SORCS3: variants seen among roughly 807,000 people sequenced by gnomAD.
SORCS3 encodes sortilin related VPS10 domain containing receptor 3.
Under a neutral mutation model 146.3 loss-of-function variants are expected in SORCS3, and 57 were observed. The ratio of observed to expected loss-of-function variants is 0.39; its 90% confidence interval spans 0.31 to 0.49. SORCS3 has a LOEUF of 0.49. Ranked by LOEUF, SORCS3 falls within the 20% of genes least tolerant of loss-of-function variation. The probability of loss-of-function intolerance (pLI) is 0.92; values close to 1 mark genes in which losing one functional copy is unlikely to be tolerated. For missense variants in SORCS3, 1,341 were observed against 1,575.5 expected (o/e 0.85, Z 2.52); for synonymous variants, 653 against 618.5 (o/e 1.06, Z -0.83).
intron 7 of SORCS3, among the ~76,000 whole-genome samples, chr10:105,113,222 C>G (rs1589639081): frequency 1.3e-5 from 2 of 152,244 alleles, no homozygotes; most frequent in Non-Finnish European, 1.5e-5. Flanking sequence ...GAGGCTTTTC[C>G]ATGTGTGGAC....
intron 2 of SORCS3, among the ~76,000 whole-genome samples, chr10:104,883,957 C>T (rs1399302847): frequency 1.5e-4 from 22 of 146,238 alleles, no homozygotes; most frequent in Admixed American, 1.5e-3. Flanking sequence ...TACCTACATC[C>T]ACTGTTCTGC....
At chr10:105,225,171 AATGTTTTCTCCT>A (rs2056726937) in intron 20 of SORCS3, among the ~76,000 whole-genome samples, 1 of 151,890 alleles carries the variant, frequency 6.6e-6, no homozygotes, top group Non-Finnish European at 1.5e-5. Flanking sequence ...CAACATCATC[AATGTTTTCTCCT>A]ATGTTGTCTT....
chr10:104,870,308 G>A (rs1473320376), intron 2 of SORCS3, among the ~76,000 whole-genome samples: 1 of 152,150 alleles, frequency 6.6e-6, no homozygotes, highest in African/African-American at 2.4e-5. Context: ...TCCACCTTTA[G>A]TAAATGACAA....
intron 1 of SORCS3, among the ~76,000 whole-genome samples, chr10:104,832,054 C>T (rs2018006422): frequency 1.3e-5 from 2 of 152,268 alleles, no homozygotes; most frequent in African/African-American, 4.8e-5. Context: ...TTTTGTATTT[C>T]TTTTGCCCTT....
At chr10:104,959,258 A>C (rs550687232) in intron 3 of SORCS3, among the ~76,000 whole-genome samples, 1 of 152,304 alleles carries the variant, frequency 6.6e-6, no homozygotes, top group East Asian at 1.9e-4. Flanking sequence ...TACACATACC[A>C]AATTCATATA....
intron 4 of SORCS3, among the ~76,000 whole-genome samples, chr10:105,020,287 G>A (rs191135895): frequency 3.5e-4 from 54 of 152,266 alleles, no homozygotes; most frequent in African/African-American, 1.1e-3. Flanking sequence ...TAAGGGCCTC[G>A]TAAATACTGA....
intron 4 of SORCS3, among the ~76,000 whole-genome samples, chr10:105,015,895 A>G (rs2055162530): frequency 6.6e-6 from 1 of 150,806 alleles, no homozygotes; most frequent in African/African-American, 2.4e-5. Context: ...ATGCCTGGCT[A>G]ATTTTTATGT....
In SORCS3 at chr10:104,735,844, T is replaced by C. The variant is rs558472588; in HGVS notation, c.627+93890T>C. The stretch of plus-strand genomic sequence containing the variant: ...TCTGATTTGCTCACTAACAACAGTC[T>C]GCTTTTCTTTCAAAATATAACCTCT... On this transcript the variant is annotated intron_variant, in intron 1 of 26. Coordinates refer to ENST00000369701, the MANE Select transcript of SORCS3 (RefSeq NM_014978.3). 2.6e-5 allele frequency among the ~76,000 whole-genome samples: 4 copies of C among 152,260 alleles called. No individual in the cohort carries two copies. The East Asian group carries it at 7.7e-4, about 29-fold the overall frequency.
Position 105,217,237 on chromosome 10 carries a change from C to T in SORCS3, c.2734+115C>T, listed in dbSNP as rs950251554. 5 of 945,920 alleles carry T rather than the reference C, an allele frequency of 5.3e-6. No individual in the cohort carries two copies. In the African/African-American group the frequency reaches 8.1e-5, roughly 15 times the overall value. 58.6% of individuals were successfully genotyped at this position (945,920 alleles called of 1,614,324 possible). On this transcript the variant is annotated intron_variant, in intron 19 of 26. Transcript: ENST00000369701. Reference sequence around the variant, plus strand: ...GGTTCAGTGTGACTACTACAATTACCCAAACCAAATGGTGGAGATATGTAC... The same window carrying T: ...GGTTCAGTGTGACTACTACAATTACTCAAACCAAATGGTGGAGATATGTAC...
chr10:104,871,191 CA>C (rs1005920424), intron 2 of SORCS3, among the ~76,000 whole-genome samples: 1 of 152,100 alleles, frequency 6.6e-6, no homozygotes, highest in Non-Finnish European at 1.5e-5. Flanking sequence ...CACAGTAATC[CA>C]AGAGGTGAGT....
rs963504040 is a variant in SORCS3, at chr10:104,977,443, T to C, written c.904T>C (p.Phe302Leu). The C allele has an allele frequency of 6.2e-7, 1 of 1,613,642 alleles. No homozygotes were observed. Among genetic ancestry groups the C allele is most frequent in the East Asian group, 2.2e-5 (1 of 44,826 alleles). ...RLTFYIQSLL[F>L]HPKQEDWVLA... ...CACCTTCTATATCCAGAGCCTGCTC[T>C]TTCATCCCAAGCAAGAGGACTGGGT... The change falls in exon 4 of 27, where the codon TTT becomes CTT. Residue 302 changes from phenylalanine to leucine, a missense_variant. Coordinates refer to ENST00000369701, the MANE Select transcript of SORCS3 (RefSeq NM_014978.3).
chr10:105,249,451 A>G (rs79214293), intron 22 of SORCS3, among the ~76,000 whole-genome samples: 1,691 of 152,276 alleles, frequency 0.011, 35 homozygotes, highest in African/African-American at 0.039. Context: ...AAGATCCAGG[A>G]AGGACATGGA....
intron 1 of SORCS3, among the ~76,000 whole-genome samples, chr10:104,727,713 C>T (rs2016655028): frequency 6.6e-6 from 1 of 152,180 alleles, no homozygotes; most frequent in South Asian, 2.1e-4. Flanking sequence ...CTGTTAGGAA[C>T]TGGGCCAGGT....
At chr10:104,760,044 T>G (rs1407653942) in intron 1 of SORCS3, among the ~76,000 whole-genome samples, 1 of 151,432 alleles carries the variant, frequency 6.6e-6, no homozygotes, top group Non-Finnish European at 1.5e-5. Flanking sequence ...AGAACAGGAG[T>G]CGGTCATGCA....
chr10:104,755,719 A>G (rs1475159640), intron 1 of SORCS3, among the ~76,000 whole-genome samples: 1 of 152,212 alleles, frequency 6.6e-6, no homozygotes, highest in East Asian at 1.9e-4. Context: ...AGGCCAGCCA[A>G]GTTTTGATCA....
rs117869785 is a variant in SORCS3, at chr10:104,818,024, A to G, written c.628-24768A>G. On this transcript the variant is annotated intron_variant, in intron 1 of 26. Transcript: ENST00000369701. Reference sequence around the variant, plus strand: ...TCACCAATTGAACACTTCTCATTTAATGCCTTGAATGATTAAACATGTTTG... The same window carrying G: ...TCACCAATTGAACACTTCTCATTTAGTGCCTTGAATGATTAAACATGTTTG... Among the ~76,000 whole-genome samples the G allele has an allele frequency of 1.6e-3, 238 of 152,142 alleles. 1 individual carries two copies. The highest frequency in any genetic ancestry group is 2.8e-3 in the Non-Finnish European group (188 of 67,998).
At chr10:105,115,967 T>TGAA (rs1334686146) in intron 7 of SORCS3, among the ~76,000 whole-genome samples, 1 of 152,206 alleles carries the variant, frequency 6.6e-6, no homozygotes, top group Non-Finnish European at 1.5e-5. Flanking sequence ...AGAAATCCAA[T>TGAA]GAAGACATCT....
chr10:105,173,703 G>T (rs926261171), intron 13 of SORCS3, among the ~76,000 whole-genome samples: 4 of 152,082 alleles, frequency 2.6e-5, no homozygotes, highest in Non-Finnish European at 5.9e-5. Flanking sequence ...GGTCCTTCAT[G>T]ATTTGACTTC....
chr10:105,051,885 G>A (rs1170800805), intron 5 of SORCS3, among the ~76,000 whole-genome samples: 1 of 152,112 alleles, frequency 6.6e-6, no homozygotes, highest in African/African-American at 2.4e-5. Context: ...AGGTCAGGAG[G>A]GGAAATGTGA....
Sources: allele counts gnomAD v4.1 joint callset (sites outside exome capture counted in the v4.1 genomes callset), GRCh38; gene constraint gnomAD v4.1.1; transcripts MANE v1.5; gene names NCBI Gene and HGNC (gene_info 2026-07-23, HGNC 2026-07-21).